Variants in SERGEF observed in about 807,000 individuals in gnomAD.
The protein encoded by SERGEF is secretion regulating guanine nucleotide exchange factor, also known as secretion-regulating guanine nucleotide exchange factor.
A neutral mutation model predicts 50.0 loss-of-function variants in SERGEF; 51 were observed. The ratio of observed to expected loss-of-function variants is 1.02; its 90% CI spans 0.81 to 1.29. The LOEUF (loss-of-function observed/expected upper bound fraction) is 1.29, where lower values mean the gene tolerates loss of function less well. Ranked by LOEUF, SERGEF falls within the 50% of genes most tolerant of loss-of-function variation. The probability of loss-of-function intolerance (pLI) is 0.00; values close to 1 mark genes in which losing one functional copy is unlikely to be tolerated. For synonymous variants in SERGEF, 205 were observed against 212.4 expected (o/e 0.97, Z 0.30); for missense variants, 521 against 557.0 (o/e 0.94, Z 0.65).
At chr11:17,960,195 A>G (rs1852968440) in intron 8 of SERGEF, among the ~76,000 whole-genome samples, 1 of 152,212 alleles carries the variant, frequency 6.6e-6, no homozygotes, top group Admixed American at 6.5e-5. Flanking sequence ...AATTCTAACA[A>G]TCCTAAGGCA....
At chr11:17,957,419 C>A (rs974829863) in intron 9 of SERGEF, among the ~76,000 whole-genome samples, 1 of 152,062 alleles carries the variant, frequency 6.6e-6, no homozygotes, top group Non-Finnish European at 1.5e-5. Context: ...ACTAGAGACT[C>A]GGAAAAATCT....
At chr11:17,862,313 TGA>T (rs1850940843) in intron 10 of SERGEF, among the ~76,000 whole-genome samples, 2 of 152,270 alleles carry the variant, frequency 1.3e-5, no homozygotes, top group African/African-American at 4.8e-5. Context: ...AGCCTCAAAG[TGA>T]GAGAGCTAGT....
At chr11:17,796,395 T>C (rs985506586) in intron 10 of SERGEF, among the ~76,000 whole-genome samples, 1 of 152,158 alleles carries the variant, frequency 6.6e-6, no homozygotes, top group Non-Finnish European at 1.5e-5. Context: ...AATGCAACAG[T>C]GTTGAGAAGC....
chr11:17,862,061 G>A (rs909762256), intron 10 of SERGEF, among the ~76,000 whole-genome samples: 12 of 152,172 alleles, frequency 7.9e-5, no homozygotes, highest in Admixed American at 2.6e-4. Flanking sequence ...AAGCTTTTAC[G>A]ATCTGAACGT....
At chr11:17,827,274 C>T (rs192578341) in intron 10 of SERGEF, among the ~76,000 whole-genome samples, 1 of 152,286 alleles carries the variant, frequency 6.6e-6, no homozygotes, top group Non-Finnish European at 1.5e-5. Flanking sequence ...CAGGTTGATG[C>T]TGCCAGGGGA....
At position 18,012,571 on chromosome 11, in the gene SERGEF, C is replaced by G. The variant is rs73428354; in HGVS notation, c.60+380G>C. The G allele has an allele frequency of 6.7e-4, 781 of 1,171,468 alleles. 7 individuals carry two copies. In the African/African-American group the frequency reaches 0.012, roughly 18 times the overall value. 72.6% of individuals were successfully genotyped at this position (1,171,468 alleles called of 1,614,324 possible). ...CCAGGCATCAGGAGTGTGGGGGGCACAGGTGGCCCCACGGAGCTCTGGGAC... is the reference window on the plus strand; with the variant it reads ...CCAGGCATCAGGAGTGTGGGGGGCAGAGGTGGCCCCACGGAGCTCTGGGAC... On this transcript the variant is annotated intron_variant, in intron 1 of 10. Transcript: ENST00000265965.
chr11:18,009,275 A>G (rs1854147992), intron 1 of SERGEF, among the ~76,000 whole-genome samples: 1 of 152,134 alleles, frequency 6.6e-6, no homozygotes, highest in South Asian at 2.1e-4. Context: ...TCAGAACACC[A>G]TGATTTCGAT....
At chr11:17,937,793 T>C (rs1310856257) in intron 9 of SERGEF, among the ~76,000 whole-genome samples, 3 of 148,602 alleles carry the variant, frequency 2.0e-5, no homozygotes, top group Non-Finnish European at 1.5e-5. Flanking sequence ...GGGGAGAGAG[T>C]TCAAGCTAGC....
At chr11:17,864,038 A>C (rs1273860664) in intron 10 of SERGEF, among the ~76,000 whole-genome samples, 2 of 152,218 alleles carry the variant, frequency 1.3e-5, no homozygotes, top group African/African-American at 4.8e-5. Context: ...TAACACAGAG[A>C]GTTATCACCA....
intron 9 of SERGEF, among the ~76,000 whole-genome samples, chr11:17,892,243 A>G (rs1318244877): frequency 6.6e-6 from 1 of 152,186 alleles, no homozygotes; most frequent in East Asian, 1.9e-4. Flanking sequence ...GAGACAGTTT[A>G]CCAGCCCGTC....
At chr11:17,889,973 G>A (rs1851501518) in intron 9 of SERGEF, among the ~76,000 whole-genome samples, 1 of 143,374 alleles carries the variant, frequency 7.0e-6, no homozygotes, top group Admixed American at 7.1e-5. Flanking sequence ...AGAGGTCACT[G>A]AGTTGAATAT....
intron 9 of SERGEF, among the ~76,000 whole-genome samples, chr11:17,957,219 G>C (rs1001871758): frequency 3.3e-5 from 5 of 152,154 alleles, no homozygotes; most frequent in Non-Finnish European, 7.3e-5. Context: ...ACTAAATTTT[G>C]CACTGGTCAT....
intron 8 of SERGEF, among the ~76,000 whole-genome samples, chr11:17,961,768 C>T (rs545158568): frequency 1.3e-5 from 2 of 152,344 alleles, no homozygotes; most frequent in African/African-American, 4.8e-5. Flanking sequence ...GCTGACTTAA[C>T]GTTCAGTCTT....
intron 10 of SERGEF, among the ~76,000 whole-genome samples, chr11:17,819,250 CACCA>C (rs1287083203): frequency 1.3e-5 from 2 of 152,236 alleles, no homozygotes; most frequent in Non-Finnish European, 2.9e-5. Context: ...TTTTAGTCAA[CACCA>C]TGCCATCTAC....
intron 9 of SERGEF, among the ~76,000 whole-genome samples, chr11:17,879,900 T>C (rs1157133999): frequency 6.6e-6 from 1 of 152,228 alleles, no homozygotes; most frequent in African/African-American, 2.4e-5. Flanking sequence ...GCCACTCTGA[T>C]TCTCTTAATT....
chr11:17,901,882 G>A (rs1225012242), intron 9 of SERGEF, among the ~76,000 whole-genome samples: 1 of 152,218 alleles, frequency 6.6e-6, no homozygotes, highest in Non-Finnish European at 1.5e-5. Context: ...TGGCAGCAGA[G>A]CAGGAGAACA....
At chr11:17,861,850 T>C (rs1850932721) in intron 10 of SERGEF, among the ~76,000 whole-genome samples, 1 of 152,258 alleles carries the variant, frequency 6.6e-6, no homozygotes, top group South Asian at 2.1e-4. Context: ...GGTAGCATCT[T>C]GTCTCGCTAA....
At chr11:17,828,364 G>T (rs1324950752) in intron 10 of SERGEF, among the ~76,000 whole-genome samples, 1 of 152,202 alleles carries the variant, frequency 6.6e-6, no homozygotes, top group Non-Finnish European at 1.5e-5. Flanking sequence ...ACCGGCAGCA[G>T]GAGTCTTTCC....
At chr11:18,005,388 A>AG (rs1363156621) in intron 3 of SERGEF, among the ~76,000 whole-genome samples, 1 of 152,220 alleles carries the variant, frequency 6.6e-6, no homozygotes, top group African/African-American at 2.4e-5. Context: ...CAGATAGACA[A>AG]GAGGGGCTGG....
Sources: allele counts gnomAD v4.1 joint callset (sites outside exome capture counted in the v4.1 genomes callset), GRCh38; gene constraint gnomAD v4.1.1; transcripts MANE v1.5; gene names NCBI Gene and HGNC (gene_info 2026-07-23, HGNC 2026-07-21).